Variants in CNTN5 observed in about 807,000 individuals in gnomAD.
CNTN5 encodes contactin 5.
In CNTN5, 77 loss-of-function variants were observed where a neutral mutation model predicts 129.1. The ratio of observed to expected loss-of-function variants is 0.60; its 90% CI spans 0.50 to 0.72. CNTN5 has a LOEUF of 0.72. Among genes scored for constraint, CNTN5 ranks in the 30% least tolerant of loss-of-function variants. The pLI is 0.00. For missense variants in CNTN5, 1,478 were observed against 1,328.8 expected (o/e 1.11, Z -1.75); for synonymous variants, 509 against 465.6 (o/e 1.09, Z -1.20).
At chr11:99,731,766 G>A (rs1451013069) in intron 3 of CNTN5, among the ~76,000 whole-genome samples, 1 of 152,066 alleles carries the variant, frequency 6.6e-6, no homozygotes, top group African/African-American at 2.4e-5. Context: ...AGATGCCTTA[G>A]AACTTTCTAT....
intron 1 of CNTN5, among the ~76,000 whole-genome samples, chr11:99,140,708 G>A (rs569817767): frequency 1.3e-5 from 2 of 152,090 alleles, no homozygotes; most frequent in Non-Finnish European, 1.5e-5. Context: ...ATGAAGAAAT[G>A]TTAAATTTTA....
intron 9 of CNTN5, among the ~76,000 whole-genome samples, chr11:100,007,269 A>C (rs1481275316): frequency 2.0e-5 from 3 of 152,014 alleles, no homozygotes; most frequent in African/African-American, 7.2e-5. Context: ...TTCAGATTCA[A>C]CGTCACCAGC....
At chr11:100,210,420 C>T (rs1315431982) in intron 15 of CNTN5, among the ~76,000 whole-genome samples, 1 of 146,646 alleles carries the variant, frequency 6.8e-6, no homozygotes, top group African/African-American at 2.5e-5. Flanking sequence ...TCCTATGAAA[C>T]TTATTTATAT....
chr11:100,252,214 T>G (rs1321871707), intron 16 of CNTN5, among the ~76,000 whole-genome samples: 1 of 152,188 alleles, frequency 6.6e-6, no homozygotes, highest in South Asian at 2.1e-4. Flanking sequence ...TTGTGTGTCT[T>G]CTTTTGATAA....
At chr11:99,031,584 C>T (rs1252695874) in intron 1 of CNTN5, among the ~76,000 whole-genome samples, 1 of 151,782 alleles carries the variant, frequency 6.6e-6, no homozygotes, top group Admixed American at 6.6e-5. Context: ...CAATTTTGTA[C>T]TGTTCACTGA....
At position 99,685,254 on chromosome 11, in the gene CNTN5, C is replaced by T. The variant is rs567668132; in HGVS notation, c.55+128985C>T. On this transcript the variant is annotated intron_variant, in intron 3 of 24. Coordinates refer to ENST00000524871, the MANE Select transcript of CNTN5 (RefSeq NM_014361.4). ...TTGATTTACTCTGTTTAGAGAGATA[C>T]ATTGTTTTAATCTATTGTTATCGAG... Among the ~76,000 whole-genome samples, 292 of 151,666 alleles carry T rather than the reference C, an allele frequency of 1.9e-3. 1 individual carries two copies. Among genetic ancestry groups the T allele is most frequent in the African/African-American group, 5.9e-3 (243 of 41,530 alleles).
At chr11:99,259,487 A>G (rs780814650) in intron 1 of CNTN5, among the ~76,000 whole-genome samples, 53 of 151,916 alleles carry the variant, frequency 3.5e-4, no homozygotes, top group Non-Finnish European at 5.2e-4. Context: ...GTATAGCTCC[A>G]ATTCACTCCT....
At chr11:99,236,819 T>A (rs188457142) in intron 1 of CNTN5, among the ~76,000 whole-genome samples, 1 of 152,100 alleles carries the variant, frequency 6.6e-6, no homozygotes, top group Non-Finnish European at 1.5e-5. Flanking sequence ...CAGATGAAAT[T>A]TAGAGTCATT....
At chr11:99,825,603 A>C (rs1946928884) in intron 4 of CNTN5, among the ~76,000 whole-genome samples, 1 of 152,032 alleles carries the variant, frequency 6.6e-6, no homozygotes, top group Non-Finnish European at 1.5e-5. Flanking sequence ...AAACTATCTT[A>C]GTCTTTATCT....
intron 1 of CNTN5, among the ~76,000 whole-genome samples, chr11:99,125,342 A>T (rs999789020): frequency 1.6e-5 from 2 of 122,840 alleles, no homozygotes; most frequent in East Asian, 6.1e-4. Context: ...CATCAACAGA[A>T]CTAAAAAAAA....
intron 2 of CNTN5, among the ~76,000 whole-genome samples, chr11:99,541,660 T>A (rs921512699): frequency 1.3e-5 from 2 of 152,156 alleles, no homozygotes; most frequent in Non-Finnish European, 2.9e-5. Context: ...ATTGAAATTT[T>A]GGGCTCAGCC....
chr11:99,835,869 A>T (rs1947286137), intron 4 of CNTN5, among the ~76,000 whole-genome samples: 1 of 152,172 alleles, frequency 6.6e-6, no homozygotes, highest in African/African-American at 2.4e-5. Context: ...ACTAGAGAAG[A>T]TGGTTTATCA....
chr11:99,549,545 G>A (rs1948413569), intron 2 of CNTN5, among the ~76,000 whole-genome samples: 2 of 152,040 alleles, frequency 1.3e-5, no homozygotes, highest in Admixed American at 1.3e-4. Flanking sequence ...TTCACATCTA[G>A]TACGTTTTTC....
intron 4 of CNTN5, among the ~76,000 whole-genome samples, chr11:99,840,606 A>G (rs1284011461): frequency 2.0e-5 from 3 of 152,104 alleles, no homozygotes; most frequent in African/African-American, 7.2e-5. Context: ...ACAGATACCT[A>G]GCAGTTTGTT....
chr11:100,041,104 C>T (rs533018139), intron 9 of CNTN5, among the ~76,000 whole-genome samples: 29 of 152,156 alleles, frequency 1.9e-4, no homozygotes, highest in East Asian at 3.9e-4. Context: ...TGTTCCTATT[C>T]GGCCATCTTG....
intron 3 of CNTN5, among the ~76,000 whole-genome samples, chr11:99,818,289 C>T (rs767765628): frequency 7.8e-4 from 117 of 150,876 alleles, no homozygotes; most frequent in Admixed American, 3.0e-3. Context: ...CAGGGTCTTG[C>T]CCTGTTGCCA....
At chr11:99,965,814 G>T (rs2136207295) in intron 8 of CNTN5, among the ~76,000 whole-genome samples, 1 of 152,196 alleles carries the variant, frequency 6.6e-6, no homozygotes, top group African/African-American at 2.4e-5. Context: ...AGGTCTCTAA[G>T]GACTTGCTAT....
At chr11:99,983,481 T>C (rs1191146531) in intron 8 of CNTN5, among the ~76,000 whole-genome samples, 3 of 152,200 alleles carry the variant, frequency 2.0e-5, no homozygotes, top group African/African-American at 4.8e-5. Flanking sequence ...CATTATTGAG[T>C]AGACAGAGTC....
intron 8 of CNTN5, among the ~76,000 whole-genome samples, chr11:99,968,656 CTTTTTTTTTT>C (rs71050037): frequency 1.2e-4 from 9 of 73,908 alleles, no homozygotes; most frequent in Non-Finnish European, 1.7e-4. Context: ...GCTTTGGGTA[CTTTTTTTTTT>C]TTTTTTTTTT....
Sources: allele counts gnomAD v4.1 joint callset (sites outside exome capture counted in the v4.1 genomes callset), GRCh38; gene constraint gnomAD v4.1.1; transcripts MANE v1.5; gene names NCBI Gene and HGNC (gene_info 2026-07-23, HGNC 2026-07-21).